Variants in TLN2 observed in about 807,000 individuals in gnomAD.
TLN2 encodes talin-2.
A neutral mutation model predicts 294.7 loss-of-function variants in TLN2; 118 were observed. The ratio of observed to expected loss-of-function variants is 0.40; its 90% CI spans 0.34 to 0.47. TLN2 has a LOEUF of 0.47. Among genes scored for constraint, TLN2 ranks in the 20% least tolerant of loss-of-function variants. The pLI, the probability that TLN2 is intolerant of heterozygous loss-of-function variation, is 0.84. For synonymous variants in TLN2, 1,431 were observed against 1,304.5 expected (o/e 1.10, Z -2.09); for missense variants, 3,083 against 3,282.2 (o/e 0.94, Z 1.48).
intron 1 of TLN2, among the ~76,000 whole-genome samples, chr15:62,561,694 C>G (rs903777355): frequency 2.4e-4 from 36 of 152,026 alleles, no homozygotes; most frequent in African/African-American, 8.5e-4. Flanking sequence ...GTGTATCATC[C>G]CTTGCCACTG....
At chr15:62,612,859 C>T (rs1304720947) in intron 2 of TLN2, among the ~76,000 whole-genome samples, 1 of 152,176 alleles carries the variant, frequency 6.6e-6, no homozygotes, top group East Asian at 1.9e-4. Flanking sequence ...GCAAAAAGAT[C>T]TTCCAGGCTT....
At chr15:62,645,940 C>G (rs184542660) in intron 3 of TLN2, among the ~76,000 whole-genome samples, 2 of 152,176 alleles carry the variant, frequency 1.3e-5, no homozygotes, top group East Asian at 3.9e-4. Context: ...GTCTTGTGCC[C>G]AAGGAGTATA....
chr15:62,469,242 A>G (rs2037328938), intron 1 of TLN2, among the ~76,000 whole-genome samples: 2 of 152,210 alleles, frequency 1.3e-5, no homozygotes, highest in Admixed American at 1.3e-4. Flanking sequence ...AAGTGTTAAG[A>G]ACATTGCCAT....
chr15:62,469,612 A>G (rs923314302), intron 1 of TLN2, among the ~76,000 whole-genome samples: 4 of 152,216 alleles, frequency 2.6e-5, no homozygotes, highest in African/African-American at 9.6e-5. Context: ...TGTGCAAAGA[A>G]AAACTCTCCT....
At chr15:62,695,597 G>C (rs1205921483) in intron 14 of TLN2, among the ~76,000 whole-genome samples, 1 of 152,166 alleles carries the variant, frequency 6.6e-6, no homozygotes, top group South Asian at 2.1e-4. Context: ...CATTAAACTT[G>C]CTTAGCTGTA....
At chr15:62,554,331 T>C (rs142434118) in intron 1 of TLN2, among the ~76,000 whole-genome samples, 1 of 148,992 alleles carries the variant, frequency 6.7e-6, no homozygotes, top group East Asian at 2.0e-4. Flanking sequence ...ATTTCCTTGA[T>C]CTAGTATGAG....
intron 4 of TLN2, among the ~76,000 whole-genome samples, chr15:62,648,908 C>T (rs2052251800): frequency 1.3e-5 from 2 of 151,784 alleles, no homozygotes; most frequent in African/African-American, 4.8e-5. Flanking sequence ...TGCAGTGGCC[C>T]CATCACACTT....
At chr15:62,466,368 GT>G (rs1159205966) in intron 1 of TLN2, among the ~76,000 whole-genome samples, 1 of 152,204 alleles carries the variant, frequency 6.6e-6, no homozygotes, top group East Asian at 1.9e-4. Flanking sequence ...CACTGTTGCC[GT>G]TTGGGGCTGG....
intron 3 of TLN2, among the ~76,000 whole-genome samples, chr15:62,634,799 C>A (rs928030551): frequency 6.6e-6 from 1 of 152,258 alleles, no homozygotes; most frequent in Admixed American, 6.5e-5. Flanking sequence ...TTGCAGAAAG[C>A]AGCACGTGGC....
chr15:62,726,136 G>T lies in TLN2; in HGVS notation c.3256-951G>T, dbSNP rs574554497. On this transcript the variant is annotated intron_variant, in intron 27 of 58. Coordinates refer to ENST00000636159, the MANE Select transcript of TLN2 (RefSeq NM_015059.3). ...CTATACCCCAGGGAGTGCAAGAGAG[G>T]CTGGCATGACATGTAATTCCATCTT... 4.6e-5 allele frequency among the ~76,000 whole-genome samples: 7 copies of T among 152,268 alleles called. No individual in the cohort carries two copies. The East Asian group carries it at 1.3e-3, about 29-fold the overall frequency.
intron 16 of TLN2, 21 bp downstream of exon 16, chr15:62,698,888 TTCATGCCAAGTC>T: frequency 6.2e-7 from 1 of 1,604,748 alleles, no homozygotes; most frequent in South Asian, 1.1e-5. Flanking sequence ...TTCAGTGGTT[TTCATGCCAAGTC>T]TCTGCCCTGG....
intron 2 of TLN2, among the ~76,000 whole-genome samples, chr15:62,614,417 C>A (rs2140834260): frequency 6.6e-6 from 1 of 152,280 alleles, no homozygotes; most frequent in East Asian, 1.9e-4. Flanking sequence ...GTCATTACAG[C>A]ATCAACTATC....
At chr15:62,671,744 A>T (rs1266826126) in intron 9 of TLN2, among the ~76,000 whole-genome samples, 1 of 152,124 alleles carries the variant, frequency 6.6e-6, no homozygotes, top group African/African-American at 2.4e-5. Context: ...CCTTTTCACC[A>T]CTACTACCAA....
chr15:62,558,665 TAGC>T (rs2042741058), intron 1 of TLN2, among the ~76,000 whole-genome samples: 1 of 152,176 alleles, frequency 6.6e-6, no homozygotes. Context: ...CTAGCTTATA[TAGC>T]ATCTTCAACA....
At chr15:62,755,417 G>A (rs2062184265) in intron 36 of TLN2, 115 bp from the exon 37 acceptor site, 3 of 1,310,322 alleles carry the variant, frequency 2.3e-6, no homozygotes, top group Non-Finnish European at 3.1e-6. Context: ...AGACATGCTT[G>A]TAATTACACA....
chr15:62,803,302 T>G (rs2141152409), intron 50 of TLN2, among the ~76,000 whole-genome samples: 1 of 152,342 alleles, frequency 6.6e-6, no homozygotes, highest in South Asian at 2.1e-4. Context: ...TGCAGTAGTC[T>G]TCTTTGGGTT....
chr15:62,746,031 A>G (rs1371362711), intron 32 of TLN2, among the ~76,000 whole-genome samples: 6 of 152,056 alleles, frequency 3.9e-5, no homozygotes, highest in Non-Finnish European at 5.9e-5. Context: ...AAAAAATTTT[A>G]CATCTACAGA....
Position 62,482,500 on chromosome 15 carries a change from G to C in TLN2, c.-238+91815G>C, listed in dbSNP as rs181302365. ...GCCTGTAATCCCAGCTACTCAGGAG[G>C]GGGGAGGCAGGAGAATCGCTTGAAC... On this transcript the variant is annotated intron_variant, in intron 1 of 58. Coordinates refer to ENST00000636159, the MANE Select transcript of TLN2 (RefSeq NM_015059.3). 5.8e-4 allele frequency among the ~76,000 whole-genome samples: 86 copies of C among 148,554 alleles called. No homozygotes were observed. The South Asian group carries it at 6.1e-3, about 10-fold the overall frequency.
At chr15:62,805,915 G>T (rs1330466495) in intron 51 of TLN2, 130 bp downstream of exon 51, 3 of 1,021,486 alleles carry the variant, frequency 2.9e-6, no homozygotes, top group Non-Finnish European at 4.1e-6. Context: ...CAGGGCCAGG[G>T]GTAGTGGCTT....
Sources: gnomAD v4.1 joint callset for allele counts (sites outside exome capture counted in the v4.1 genomes callset) on GRCh38, gnomAD v4.1.1 for gene constraint, MANE v1.5 for transcripts, NCBI Gene and HGNC (gene_info 2026-07-23, HGNC 2026-07-21) for gene names.